The following ACACA variants were observed in gnomAD, a reference collection of about 807,000 sequenced individuals.
ACACA encodes acetyl-CoA carboxylase 1.
In ACACA, 103 loss-of-function variants were observed where a neutral mutation model predicts 296.1. The observed-to-expected ratio is 0.35, with a 90% confidence interval of 0.30 to 0.41. The LOEUF is 0.41. Among genes scored for constraint, ACACA ranks in the 10% least tolerant of loss-of-function variants. The pLI is 1.00. For missense variants in ACACA, 1,554 were observed against 2,989.7 expected (o/e 0.52, Z 11.20); for synonymous variants, 953 against 1,038.6 (o/e 0.92, Z 1.58).
At chr17:37,171,987 G>A (rs927960678) in intron 41 of ACACA, among the ~76,000 whole-genome samples, 4 of 152,108 alleles carry the variant, frequency 2.6e-5, no homozygotes, top group African/African-American at 4.8e-5. Context: ...TTAATCATAC[G>A]AATGAGTGCT....
At chr17:37,260,582 G>C (rs1441558069) in intron 11 of ACACA, among the ~76,000 whole-genome samples, 2 of 151,876 alleles carry the variant, frequency 1.3e-5, no homozygotes, top group East Asian at 3.9e-4. Context: ...GGGATTATAG[G>C]CGTGAGCCAC....
chr17:37,270,845 C>T lies in ACACA; in HGVS notation c.1025G>A (p.Gly342Glu). Residue 342 changes from glycine to glutamate, a missense_variant, in exon 10 of 56, where the codon GGA becomes GAA. Gly to Glu is a moderately conservative substitution (Grantham distance 98). This residue lies in a region of ACACA where 82 missense variants were observed against 185.2 expected (regional missense o/e 0.44). Transcript: ENST00000616317. ...TGAGGCCTTGATCATTACTGGATAT[C>T]CAACTTCCTCAGCTGCCTTCAAAAA... ...DDGLQAAEEV[G>E]YPVMIKASEG... The T allele has an allele frequency of 6.2e-7, 1 of 1,613,416 alleles. No homozygotes were observed. The highest frequency in any genetic ancestry group is 8.5e-7 in the Non-Finnish European group (1 of 1,179,764).
intron 3 of ACACA, among the ~76,000 whole-genome samples, chr17:37,287,796 A>G (rs966548940): frequency 4.6e-5 from 7 of 151,820 alleles, no homozygotes; most frequent in Non-Finnish European, 1.0e-4. Flanking sequence ...AGAGTCTAGC[A>G]GCTACTTTGC....
chr17:37,164,226 C>T lies in ACACA; in HGVS notation c.5080-2176G>A, dbSNP rs79949332. On this transcript the variant is annotated intron_variant, in intron 41 of 55. Coordinates refer to ENST00000616317, the MANE Select transcript of ACACA (RefSeq NM_198834.3). ...CATATCACCTCATTGGGGAGCTGGCCATCAAGAAGGGCCATTAACAGATGT... is the reference window on the plus strand; with the variant it reads ...CATATCACCTCATTGGGGAGCTGGCTATCAAGAAGGGCCATTAACAGATGT... Among the ~76,000 whole-genome samples the T allele has an allele frequency of 7.5e-3, 1,142 of 152,080 alleles. 9 individuals carry two copies. Among genetic ancestry groups the T allele is most frequent in the Middle Eastern group, 0.031 (9 of 294 alleles).
Position 37,188,266 on chromosome 17 carries a change from G to C in ACACA, c.4776+11C>G. On this transcript the variant is annotated intron_variant, in intron 39 of 55. Transcript: ENST00000616317. The stretch of plus-strand genomic sequence containing the variant: ...AATCAAAACTCTGAGGAGCCTGTTT[G>C]AGTATTGTACCTGTGCTGTCCTGGA... 1 of 1,612,842 alleles carries C rather than the reference G, an allele frequency of 6.2e-7. No individual in the cohort carries two copies. The highest frequency in any genetic ancestry group is 8.5e-7 in the Non-Finnish European group (1 of 1,179,108).
intron 1 of ACACA, among the ~76,000 whole-genome samples, chr17:37,402,550 T>C (rs1383342498): frequency 6.6e-6 from 1 of 152,176 alleles, no homozygotes; most frequent in African/African-American, 2.4e-5. Context: ...GGACAACAGA[T>C]ATAAACCAGG....
intron 1 of ACACA, among the ~76,000 whole-genome samples, chr17:37,350,939 C>T (rs922661661): frequency 4.6e-5 from 7 of 151,484 alleles, no homozygotes; most frequent in Admixed American, 6.6e-5. Flanking sequence ...TCCGGACCAG[C>T]GTGGCCAACA....
At chr17:37,181,380 G>C (rs375479901) in intron 39 of ACACA, 24 bp from the exon 40 acceptor site, 113 of 1,613,826 alleles carry the variant, frequency 7.0e-5, no homozygotes, top group Non-Finnish European at 9.0e-5. Flanking sequence ...AAATGGCATG[G>C]GGAGTTAAGA....
intron 3 of ACACA, among the ~76,000 whole-genome samples, chr17:37,324,563 G>T (rs1191902337): frequency 1.3e-5 from 2 of 151,492 alleles, no homozygotes; most frequent in Non-Finnish European, 2.9e-5. Flanking sequence ...CCAGCTACTT[G>T]GGAGGCTGAG....
chr17:37,156,262 A>T (rs2076247015), intron 42 of ACACA, among the ~76,000 whole-genome samples: 1 of 151,376 alleles, frequency 6.6e-6, no homozygotes, highest in African/African-American at 2.4e-5. Context: ...ACAGGGTTTC[A>T]CCGTGTTAGC....
rs751829390 is a variant in ACACA at position 37,188,421 on chromosome 17, G to C, written c.4632C>G (p.Arg1544=). The C allele has an allele frequency of 6.2e-7, 1 of 1,613,908 alleles. No individual in the cohort carries two copies. The highest frequency in any genetic ancestry group is 1.1e-5 in the South Asian group (1 of 91,058). ...TGATTTTCAGTTCTGCCTGGAGGAC[G>C]CGCAATTTCCACAGGCGACTTCCAT... ...MRYGSRLWKL[R]VLQAELKINI... is the part of the protein sequence containing the mutation. Residue 1544 remains arginine, a synonymous_variant, in exon 39 of 56, where the codon CGC becomes CGG. Coordinates refer to ENST00000616317, the MANE Select transcript of ACACA (RefSeq NM_198834.3).
At chr17:37,204,248 G>A (rs889265037) in intron 33 of ACACA, among the ~76,000 whole-genome samples, 5 of 152,180 alleles carry the variant, frequency 3.3e-5, no homozygotes, top group Non-Finnish European at 7.3e-5. Context: ...TATAACTGTA[G>A]ATTATTGTTT....
At chr17:37,264,398 C>T (rs867024266) in intron 10 of ACACA, among the ~76,000 whole-genome samples, 1 of 152,170 alleles carries the variant, frequency 6.6e-6, no homozygotes, top group African/African-American at 2.4e-5. Context: ...TAAATAATCC[C>T]AATGATTTTC....
chr17:37,102,199 CTTTTTTTT>C (rs35050543), intron 52 of ACACA, among the ~76,000 whole-genome samples: 2 of 106,092 alleles, frequency 1.9e-5, no homozygotes, highest in Admixed American at 1.1e-4. Context: ...GCATCCAGCT[CTTTTTTTT>C]TTTTTTTTTT....
chr17:37,284,511 T>C (rs1407864672), intron 4 of ACACA, among the ~76,000 whole-genome samples: 3 of 152,286 alleles, frequency 2.0e-5, no homozygotes, highest in East Asian at 3.9e-4. Flanking sequence ...GCACAATCCA[T>C]AGCTCACTGC....
rs531824114 is a variant in ACACA at position 37,136,126 on chromosome 17, C to T, written c.5680-5908G>A. On this transcript the variant is annotated intron_variant, in intron 45 of 55. Transcript: ENST00000616317. The stretch of plus-strand genomic sequence containing the variant: ...GCAAAACTGTCCATCATAAGGTATA[C>T]AAGTCTGTGAATTTTAATACACATA... Among the ~76,000 whole-genome samples, 3 of 151,788 alleles carry T rather than the reference C, an allele frequency of 2.0e-5. No homozygotes were observed. In the East Asian group the frequency reaches 5.8e-4, roughly 29 times the overall value.
intron 9 of ACACA, among the ~76,000 whole-genome samples, chr17:37,272,566 A>C (rs2082114740): frequency 6.7e-6 from 1 of 150,280 alleles, no homozygotes; most frequent in African/African-American, 2.4e-5. Context: ...GAAAGACTTA[A>C]AAAAAAAAGG....
At chr17:37,194,037 A>G (rs2077879487) in intron 35 of ACACA, among the ~76,000 whole-genome samples, 1 of 152,088 alleles carries the variant, frequency 6.6e-6, no homozygotes, top group African/African-American at 2.4e-5. Context: ...TTTGTAGGGC[A>G]TTATACAAAA....
At chr17:37,181,900 C>CAAAAAAAA (rs61045031) in intron 39 of ACACA, among the ~76,000 whole-genome samples, 1 of 22,236 alleles carries the variant, frequency 4.5e-5, no homozygotes, top group Admixed American at 6.4e-4. Flanking sequence ...ACTCTGTATC[C>CAAAAAAAA]AAAAAAAAAA....
Sources: allele counts gnomAD v4.1 joint callset (sites outside exome capture counted in the v4.1 genomes callset), GRCh38; gene constraint gnomAD v4.1.1; regional missense constraint gnomAD v4.1.1; transcripts MANE v1.5; gene names NCBI Gene and HGNC (gene_info 2026-07-23, HGNC 2026-07-21).